Variants in PDE1C observed in about 807,000 individuals in gnomAD.
PDE1C encodes dual specificity calcium/calmodulin-dependent 3',5'-cyclic nucleotide phosphodiesterase 1C.
PDE1C carries 62 observed loss-of-function variants against 93.1 expected under a neutral mutation model. The ratio of observed to expected loss-of-function variants is 0.67; its 90% CI spans 0.54 to 0.82. The LOEUF is 0.82. Ranked by LOEUF, PDE1C falls within the 40% of genes least tolerant of loss-of-function variation. The probability of loss-of-function intolerance (pLI) is 0.00; values close to 1 mark genes in which losing one functional copy is unlikely to be tolerated. For synonymous variants in PDE1C, 325 were observed against 310.1 expected, an observed-to-expected ratio of 1.05 and a Z score of -0.50; for missense variants, 742 against 884.6, an observed-to-expected ratio of 0.84 and a Z score of 2.04.
chr7:31,687,578 A>T, the PDE1C span, among the ~76,000 whole-genome samples: 1 of 152,212 alleles, frequency 6.6e-6, no homozygotes, highest in Non-Finnish European at 1.5e-5. Flanking sequence ...TTCACACAGG[A>T]TAGAGAGGTT....
intron 1 of PDE1C, among the ~76,000 whole-genome samples, chr7:32,065,522 C>T (rs1795299460): frequency 1.3e-5 from 2 of 152,184 alleles, no homozygotes; most frequent in Non-Finnish European, 2.9e-5. Context: ...CCTCCAGGTA[C>T]TCATATCAGT....
Position 32,144,762 on chromosome 7 carries a change from A to C in PDE1C, c.308+25023T>G, listed in dbSNP as rs567609500. 2.6e-5 allele frequency among the ~76,000 whole-genome samples: 4 copies of C among 152,324 alleles called. No homozygotes were observed. In the East Asian group the frequency reaches 5.8e-4, roughly 22 times the overall value. ...ATAATGAATCCCTTTGCTGACATGC[A>C]AGAGGTAGTGGATTTTATTCTTCGA... On this transcript the variant is annotated intron_variant, in intron 3 of 18. Transcript: ENST00000396193.
upstream of PDE1C, chr7:32,070,582 C>A: frequency 7.0e-7 from 1 of 1,430,866 alleles, no homozygotes; most frequent in African/African-American, 1.4e-5. Flanking sequence ...CAAACCATGG[C>A]CCCAGGTGCG....
the PDE1C span, among the ~76,000 whole-genome samples, chr7:31,617,750 A>G: frequency 6.6e-6 from 1 of 152,210 alleles, no homozygotes; most frequent in Non-Finnish European, 1.5e-5. Flanking sequence ...ACCTAAAATG[A>G]GTTCAATGAG....
At position 32,147,272 on chromosome 7, in the gene PDE1C, A is replaced by AAGAAAGAAAG. The variant is rs3078680; in HGVS notation, c.308+22512_308+22513insCTTTCTTTCT. 6.6e-4 allele frequency among the ~76,000 whole-genome samples: 64 copies of AAGAAAGAAAG among 96,678 alleles called. 3 individuals are homozygous for AAGAAAGAAAG. The highest frequency in any genetic ancestry group is 2.0e-3 in the South Asian group (5 of 2,500). The allele number at this position is 96,678 out of a possible 152,430, so 63.4% of individuals were successfully genotyped here. On this transcript the variant is annotated intron_variant, in intron 3 of 18. Coordinates refer to the PDE1C transcript ENST00000396193. The stretch of plus-strand genomic sequence containing the variant: ...GAAAGAAAAGAAAGAAAGAAAGAAA[A>AAGAAAGAAAG]AAAGAAAGAAAGAAAGAAAGAAAGA...
In PDE1C at chr7:31,837,221, G is replaced by A. The variant is rs1377324580; in HGVS notation, c.1162C>T (p.His388Tyr). 1.7e-5 allele frequency: 28 copies of A among 1,613,816 alleles called. No homozygotes were observed. The highest frequency in any genetic ancestry group is 3.3e-5 in the Admixed American group (2 of 60,018). ...TCCAGGAGTGACATTGTCCAGCGAT[G>A]ATGGAGGTCCCATGCTTTTGCTGGA... ...SHPAKAWDLH[H>Y]RWTMSLLEEF... The change falls in exon 11 of 18, where the codon CAT (histidine) becomes TAT (tyrosine). Residue 388 changes from histidine to tyrosine, a missense_variant. This residue lies in a region of PDE1C where 454 missense variants were observed against 459.4 expected (regional missense o/e 0.99). Coordinates refer to ENST00000396191, the MANE Select transcript of PDE1C (RefSeq NM_001191057.4).
intron 5 of PDE1C, among the ~76,000 whole-genome samples, chr7:31,874,478 C>T (rs1252138476): frequency 6.6e-6 from 1 of 152,172 alleles, no homozygotes; most frequent in Admixed American, 6.5e-5. Context: ...CTGGCAGAGA[C>T]CTTGGTTCTC....
At chr7:32,252,470 G>T (rs1809462703) in intron 1 of PDE1C, among the ~76,000 whole-genome samples, 2 of 152,212 alleles carry the variant, frequency 1.3e-5, no homozygotes, top group African/African-American at 4.8e-5. Flanking sequence ...TGGGGGGAAA[G>T]GGATACTTTT....
the PDE1C span, among the ~76,000 whole-genome samples, chr7:31,648,344 A>C: frequency 6.6e-6 from 1 of 152,196 alleles, no homozygotes; most frequent in East Asian, 1.9e-4. Flanking sequence ...GAAGAAGAAG[A>C]AAAAGAAGAA....
At chr7:32,198,468 C>T (rs1804768191) in intron 2 of PDE1C, among the ~76,000 whole-genome samples, 1 of 152,116 alleles carries the variant, frequency 6.6e-6, no homozygotes, top group Non-Finnish European at 1.5e-5. Flanking sequence ...AAGTTTATAT[C>T]TCTGTTGAGT....
chr7:31,885,719 T>C (rs190469221), intron 2 of PDE1C, among the ~76,000 whole-genome samples: 240 of 152,306 alleles, frequency 1.6e-3, no homozygotes, highest in Non-Finnish European at 3.0e-3. Flanking sequence ...TCCACAAAGA[T>C]AATTCCTAGG....
chr7:31,939,781 C>T (rs1805573363), intron 2 of PDE1C, among the ~76,000 whole-genome samples: 1 of 152,120 alleles, frequency 6.6e-6, no homozygotes, highest in Non-Finnish European at 1.5e-5. Flanking sequence ...AGGGATAAAA[C>T]TCAAGAGAGC....
intron 3 of PDE1C, chr7:32,078,061 G>A (rs539576288): frequency 1.0e-6 from 1 of 983,746 alleles, no homozygotes; most frequent in African/African-American, 1.7e-5. Flanking sequence ...TAATGAAATT[G>A]AAATTTTTGT....
chr7:32,203,158 AAGCCCAGCCACC>A (rs1277151469), intron 2 of PDE1C, among the ~76,000 whole-genome samples: 2 of 151,476 alleles, frequency 1.3e-5, no homozygotes, highest in Non-Finnish European at 2.9e-5. Flanking sequence ...AGAACACTGA[AAGCCCAGCCACC>A]AGCCACACAG....
At chr7:31,633,174 C>T in the PDE1C span, among the ~76,000 whole-genome samples, 6 of 151,750 alleles carry the variant, frequency 4.0e-5, no homozygotes, top group African/African-American at 7.3e-5. Flanking sequence ...CGTGAGCTAC[C>T]GCGACCGGCC....
At chr7:32,005,984 A>G (rs1032929401) in intron 2 of PDE1C, among the ~76,000 whole-genome samples, 6 of 152,200 alleles carry the variant, frequency 3.9e-5, no homozygotes, top group Non-Finnish European at 7.3e-5. Context: ...TTCATGAAAA[A>G]TATTTTTTTC....
At chr7:31,618,624 C>CA in the PDE1C span, among the ~76,000 whole-genome samples, 66 of 152,276 alleles carry the variant, frequency 4.3e-4, no homozygotes, top group Non-Finnish European at 5.1e-4. Context: ...ATAAACTCCC[C>CA]TCCATTAATG....
intron 2 of PDE1C, among the ~76,000 whole-genome samples, chr7:31,937,913 T>A (rs1055280740): frequency 3.3e-5 from 5 of 152,186 alleles, no homozygotes; most frequent in Non-Finnish European, 5.9e-5. Context: ...CGAGCTTCAG[T>A]TTTTGTAAAA....
At chr7:31,694,727 G>A in the PDE1C span, among the ~76,000 whole-genome samples, 2 of 152,180 alleles carry the variant, frequency 1.3e-5, no homozygotes, top group African/African-American at 4.8e-5. Flanking sequence ...GGATAGAGGA[G>A]TAAGAGGGAG....
Sources: gnomAD v4.1 joint callset for allele counts (sites outside exome capture counted in the v4.1 genomes callset) on GRCh38, gnomAD v4.1.1 for gene constraint, gnomAD v4.1.1 regional missense constraint, MANE v1.5 for transcripts, NCBI Gene and HGNC (gene_info 2026-07-23, HGNC 2026-07-21) for gene names.